The following ATG10 variants were observed in gnomAD, a reference collection of about 807,000 sequenced individuals.
ATG10 encodes autophagy related 10.
A neutral mutation model predicts 32.1 loss-of-function variants in ATG10; 30 were observed. The observed-to-expected ratio is 0.94, with a 90% CI of 0.70 to 1.27. The LOEUF is 1.27. Among genes scored for constraint, ATG10 ranks in the 50% most tolerant of loss-of-function variants. The pLI, the probability that ATG10 is intolerant of heterozygous loss-of-function variation, is 0.00. For missense variants in ATG10, 233 were observed against 262.3 expected (o/e 0.89, Z 0.77); for synonymous variants, 87 against 91.5 (o/e 0.95, Z 0.28).
In ATG10 at chr5:82,178,582, C is replaced by G. The variant is rs757666449; in HGVS notation, c.448C>G (p.Gln150Glu). ...LLQGPWDTIT[Q>E]QEHPILGQPF... ...ACAGGGACCATGGGACACTATTACGCAACAGGTTGGAGAGTATTGTCATTT... is the reference window on the plus strand; with the variant it reads ...ACAGGGACCATGGGACACTATTACGGAACAGGTTGGAGAGTATTGTCATTT... The change falls in exon 5 of 8, where the codon CAA becomes GAA. Residue 150 changes from glutamine to glutamate, a missense_variant. By Grantham distance (29) the Gln-to-Glu change is conservative. Transcript: ENST00000282185. 6.2e-7 allele frequency: 1 copy of G among 1,601,600 alleles called. No homozygotes were observed. Among genetic ancestry groups the G allele is most frequent in the Non-Finnish European group, 8.6e-7 (1 of 1,168,978 alleles).
At chr5:82,179,258 G>GC (rs1430240812) in intron 5 of ATG10, among the ~76,000 whole-genome samples, 1 of 152,090 alleles carries the variant, frequency 6.6e-6, no homozygotes, top group Non-Finnish European at 1.5e-5. Context: ...TGTACTGTGA[G>GC]CTCTCATATA....
At position 82,132,561 on chromosome 5, in the gene ATG10, A is replaced by G. The variant is rs559553822; in HGVS notation, c.217-31838A>G. On this transcript the variant is annotated intron_variant, in intron 3 of 7. Coordinates refer to ENST00000282185, the MANE Select transcript of ATG10 (RefSeq NM_031482.5). ...AGAATGATGGTTTCCAGCTTCATCCATGTCCCTGCAATGGACATGAACTCA... is the reference window on the plus strand; with the variant it reads ...AGAATGATGGTTTCCAGCTTCATCCGTGTCCCTGCAATGGACATGAACTCA... 1.1e-3 allele frequency among the ~76,000 whole-genome samples: 173 copies of G among 152,134 alleles called. 2 individuals carry two copies. The highest frequency in any genetic ancestry group is 2.2e-3 in the Admixed American group (34 of 15,276).
chr5:82,194,519 A>G (rs1022714501), intron 5 of ATG10, among the ~76,000 whole-genome samples: 5 of 152,182 alleles, frequency 3.3e-5, no homozygotes, highest in African/African-American at 1.2e-4. Flanking sequence ...TATCGGGAAT[A>G]TGTAAGTCCA....
chr5:82,152,137 A>T (rs1767626131), intron 3 of ATG10, among the ~76,000 whole-genome samples: 1 of 152,236 alleles, frequency 6.6e-6, no homozygotes, highest in Non-Finnish European at 1.5e-5. Flanking sequence ...AAATAAGTTT[A>T]GTTTTCTGTA....
intron 5 of ATG10, among the ~76,000 whole-genome samples, chr5:82,214,993 A>G (rs1385865882): frequency 6.6e-6 from 1 of 152,196 alleles, no homozygotes; most frequent in Admixed American, 6.5e-5. Context: ...CAGAGCTTTT[A>G]TTTTTATTTA....
intron 3 of ATG10, among the ~76,000 whole-genome samples, chr5:82,139,040 C>G (rs1009270157): frequency 6.7e-6 from 1 of 150,280 alleles, no homozygotes; most frequent in African/African-American, 2.5e-5. Flanking sequence ...GACGGGGTTT[C>G]GCTGTGTTGG....
At chr5:82,087,456 G>A (rs1764731090) in intron 3 of ATG10, among the ~76,000 whole-genome samples, 1 of 152,122 alleles carries the variant, frequency 6.6e-6, no homozygotes, top group Non-Finnish European at 1.5e-5. Context: ...GCTAGATGGT[G>A]GAGAGCTTTT....
At chr5:82,227,639 G>A (rs559169297) in intron 5 of ATG10, among the ~76,000 whole-genome samples, 5 of 152,206 alleles carry the variant, frequency 3.3e-5, no homozygotes, top group African/African-American at 1.2e-4. Flanking sequence ...GCCTCCCAAA[G>A]TGCTGAGATT....
intron 2 of ATG10, among the ~76,000 whole-genome samples, chr5:81,988,175 C>T (rs111941197): frequency 6.6e-6 from 1 of 152,166 alleles, no homozygotes; most frequent in Non-Finnish European, 1.5e-5. Context: ...CTCACTCTGT[C>T]CCCCACGCTG....
At chr5:82,074,160 G>T (rs1764206100) in intron 3 of ATG10, among the ~76,000 whole-genome samples, 1 of 152,106 alleles carries the variant, frequency 6.6e-6, no homozygotes, top group South Asian at 2.1e-4. Flanking sequence ...ATTCCACAAA[G>T]AACTTTGCTT....
At chr5:82,042,246 GGA>G (rs138759142) in intron 2 of ATG10, among the ~76,000 whole-genome samples, 1 of 151,502 alleles carries the variant, frequency 6.6e-6, no homozygotes, top group African/African-American at 2.4e-5. Context: ...TAGTGCAGCA[GGA>G]GAGAGAGAGA....
chr5:82,242,706 TA>T, intron 5 of ATG10: 1 of 337,794 alleles, frequency 3.0e-6, no homozygotes, highest in South Asian at 2.4e-5. Flanking sequence ...AAAATCATTG[TA>T]ACCTAGAATT....
chr5:82,036,554 A>T (rs956091646), intron 2 of ATG10, among the ~76,000 whole-genome samples: 2 of 152,190 alleles, frequency 1.3e-5, no homozygotes, highest in South Asian at 2.1e-4. Flanking sequence ...AGATTGTGCC[A>T]TTGCACTCTG....
chr5:82,094,413 T>A (rs1482120962), intron 3 of ATG10, among the ~76,000 whole-genome samples: 7 of 152,084 alleles, frequency 4.6e-5, no homozygotes, highest in Non-Finnish European at 8.8e-5. Flanking sequence ...TACTAATAAA[T>A]AACAAATAAT....
chr5:81,972,777 A>C (rs2149646960), intron 1 of ATG10, among the ~76,000 whole-genome samples: 1 of 152,276 alleles, frequency 6.6e-6, no homozygotes, highest in East Asian at 1.9e-4. Flanking sequence ...TAAACCTCCC[A>C]AAAAACCTAT....
At position 82,140,420 on chromosome 5, in the gene ATG10, T is replaced by TG. The variant is rs1247009173; in HGVS notation, c.217-23972dup. Among the ~76,000 whole-genome samples the TG allele has an allele frequency of 3.3e-3, 9 of 2,766 alleles. 1 individual carries two copies. Among genetic ancestry groups the TG allele is most frequent in the Admixed American group, 0.015 (3 of 204 alleles). 1.8% of individuals were successfully genotyped at this position (2,766 alleles called of 152,430 possible). ...CCAGCCGCCCCGTCCGGGAGGGAGGTGGGGGGGTCAGCCCCCCCGCCCGGC... is the reference window on the plus strand; with the variant it reads ...CCAGCCGCCCCGTCCGGGAGGGAGGTGGGGGGGGTCAGCCCCCCCGCCCGGC... On this transcript the variant is annotated intron_variant, in intron 3 of 7. Coordinates refer to ENST00000282185, the MANE Select transcript of ATG10 (RefSeq NM_031482.5).
chr5:82,131,102 ACTAC>A (rs1766501483), intron 3 of ATG10, among the ~76,000 whole-genome samples: 1 of 152,036 alleles, frequency 6.6e-6, no homozygotes, highest in Admixed American at 6.6e-5. Flanking sequence ...AGGTTAAAAA[ACTAC>A]CTATCAGGAA....
At chr5:82,057,800 T>C (rs979649229) in intron 2 of ATG10, among the ~76,000 whole-genome samples, 1 of 152,150 alleles carries the variant, frequency 6.6e-6, no homozygotes, top group African/African-American at 2.4e-5. Flanking sequence ...GGTAAAGGGC[T>C]CAGAAACCAT....
chr5:82,088,302 A>G (rs1324082978), intron 3 of ATG10, among the ~76,000 whole-genome samples: 1 of 152,128 alleles, frequency 6.6e-6, no homozygotes, highest in Non-Finnish European at 1.5e-5. Flanking sequence ...TATGAACTAT[A>G]TTAGGTAATC....
Sources: gnomAD v4.1 joint callset for allele counts (sites outside exome capture counted in the v4.1 genomes callset) on GRCh38, gnomAD v4.1.1 for gene constraint, MANE v1.5 for transcripts, NCBI Gene and HGNC (gene_info 2026-07-23, HGNC 2026-07-21) for gene names.